Variants in TBCD observed in about 807,000 individuals in gnomAD.
The protein encoded by TBCD is tubulin folding cofactor D.
In TBCD, 105 loss-of-function variants were observed where a neutral mutation model predicts 169.3. That is an observed-to-expected ratio of 0.62 (90% confidence interval 0.53 to 0.73). The LOEUF (loss-of-function observed/expected upper bound fraction) is 0.73. Among genes scored for constraint, TBCD ranks in the 30% least tolerant of loss-of-function variants. The pLI is 0.00. For synonymous variants in TBCD, 700 were observed against 643.9 expected, an observed-to-expected ratio of 1.09 and a Z score of -1.32; for missense variants, 1,444 against 1,600.1, an observed-to-expected ratio of 0.90 and a Z score of 1.66.
At chr17:82,941,777 T>C in intron 38 of TBCD, 1 of 455,280 alleles carries the variant, frequency 2.2e-6, no homozygotes, top group South Asian at 3.4e-5. Context: ...CCCTGGGGTC[T>C]GTTTGTGCTC....
In TBCD at chr17:82,920,559, G is replaced by A; in HGVS notation, c.2042G>A (p.Cys681Tyr). ...LGGQLMRQAVCVLIEKLSLSK... is the reference protein window; with the variant it reads ...LGGQLMRQAVYVLIEKLSLSK... ...TCCTTTTTTTTTTTTTTTCCAGTGT[G>A]TGTTTTAATAGAAAAGTTGTCACTT... Residue 681 changes from cysteine (C) to tyrosine (Y), a missense_variant, in exon 24 of 39, where the codon TGT becomes TAT. Transcript: ENST00000355528. The surrounding 1 kb of genome is among the most constrained non-coding windows in gnomAD (Gnocchi z 4.1). 6.6e-7 allele frequency: 1 copy of A among 1,522,430 alleles called. No individual in the cohort carries two copies. Among genetic ancestry groups the A allele is most frequent in the Non-Finnish European group, 8.8e-7 (1 of 1,136,518 alleles). 94.3% of individuals were successfully genotyped at this position (1,522,430 alleles called of 1,614,324 possible).
chr17:82,914,230 C>G (rs186037446), intron 23 of TBCD: 1 of 152,622 alleles, frequency 6.6e-6, no homozygotes, highest in South Asian at 2.1e-4. Context: ...TCCGGGTTCT[C>G]GGTGCTCTGC....
chr17:82,783,171 A>G lies in TBCD; in HGVS notation c.771+1450A>G, dbSNP rs1047713577. Among the ~76,000 whole-genome samples the G allele has an allele frequency of 2.6e-5, 4 of 152,196 alleles. No individual in the cohort carries two copies. The East Asian group carries it at 5.8e-4, about 22-fold the overall frequency. ...GGGGAATTGGGAAGTGTCCTCCTCAATGTCTGCTGCTTCCCGGTCATGCTG... is the reference window on the plus strand; with the variant it reads ...GGGGAATTGGGAAGTGTCCTCCTCAGTGTCTGCTGCTTCCCGGTCATGCTG... On this transcript the variant is annotated intron_variant, in intron 7 of 38. Transcript: ENST00000355528.
At chr17:82,931,065 C>G (rs1055895970) in intron 33 of TBCD, among the ~76,000 whole-genome samples, 3 of 152,236 alleles carry the variant, frequency 2.0e-5, no homozygotes, top group African/African-American at 7.2e-5. Context: ...AGAAACATCG[C>G]TGCTTTCTAG....
rs2048959940 is a variant in TBCD at position 82,781,733 on chromosome 17, C to T, written c.771+12C>T. 2 of 1,612,848 alleles carry T rather than the reference C, an allele frequency of 1.2e-6. No individual in the cohort carries two copies. The highest frequency in any genetic ancestry group is 8.5e-7 in the Non-Finnish European group (1 of 1,179,568). Reference sequence around the variant, plus strand: ...CGCTGCAGGCCCTGGTAAGTGCTGCCCGCAGGGGCTGTGGAGATCGCAGGG... The same window carrying T: ...CGCTGCAGGCCCTGGTAAGTGCTGCTCGCAGGGGCTGTGGAGATCGCAGGG... On this transcript the variant is annotated intron_variant, in intron 7 of 38. Coordinates refer to ENST00000355528, the MANE Select transcript of TBCD (RefSeq NM_005993.5).
rs1297337878 is a variant in TBCD, at chr17:82,766,341, C to T, written c.408C>T (p.Val136=). 10 of 1,612,954 alleles carry T rather than the reference C, an allele frequency of 6.2e-6. No homozygotes were observed. The highest frequency in any genetic ancestry group is 7.6e-6 in the Non-Finnish European group (9 of 1,179,494). The change falls in exon 4 of 39, where the codon GTC becomes GTT. Residue 136 remains valine (V), a synonymous_variant. Coordinates refer to ENST00000355528, the MANE Select transcript of TBCD (RefSeq NM_005993.5). ...ATGTAGAGCCTGTTTTAGATTTGGT[C>T]ACAATTCAGAATCCCAAGGACCATG... is the stretch of plus-strand genomic sequence containing the variant. ...VADVEPVLDL[V]TIQNPKDHEA... is the part of the protein sequence containing the mutation.
At chr17:82,757,537 G>A (rs2079690369) in intron 2 of TBCD, among the ~76,000 whole-genome samples, 2 of 151,760 alleles carry the variant, frequency 1.3e-5, no homozygotes, top group Admixed American at 1.3e-4. Context: ...CAGGAGAATG[G>A]CGTGAACCCG....
At chr17:82,910,630 C>G (rs1195600267) in intron 22 of TBCD, among the ~76,000 whole-genome samples, 1 of 151,830 alleles carries the variant, frequency 6.6e-6, no homozygotes, top group African/African-American at 2.4e-5. Flanking sequence ...GCAGTGGCAG[C>G]ATGTCGGCTC....
At position 82,752,114 on chromosome 17, in the gene TBCD, C is replaced by G. The variant is rs866172610; in HGVS notation, c.-80C>G. 3 of 1,387,468 alleles carry G rather than the reference C, an allele frequency of 2.2e-6. No individual in the cohort carries two copies. In the African/African-American group the frequency reaches 4.6e-5, roughly 21 times the overall value. The allele number at this position is 1,387,468 out of a possible 1,614,324, so 85.9% of individuals were successfully genotyped here. ...GGGCGCCTCCTTTTCATCCCTCATC[C>G]TTCATCCCTGGCTTTCGCGCTCTAG... On this transcript the variant is annotated 5_prime_UTR_variant, in exon 1 of 39. Coordinates refer to ENST00000355528, the MANE Select transcript of TBCD (RefSeq NM_005993.5).
At chr17:82,871,405 C>T (rs1417520146) in intron 14 of TBCD, among the ~76,000 whole-genome samples, 1 of 152,202 alleles carries the variant, frequency 6.6e-6, no homozygotes, top group African/African-American at 2.4e-5. Context: ...GACTCAGTGT[C>T]ACTGTCCGTC....
At chr17:82,796,628 T>C (rs984599603) in intron 7 of TBCD, among the ~76,000 whole-genome samples, 21 of 152,162 alleles carry the variant, frequency 1.4e-4, no homozygotes, top group African/African-American at 5.1e-4. Context: ...TGTCTGGCTG[T>C]CTCCTTCCTG....
At chr17:82,888,322 G>A (rs2058894304) in intron 15 of TBCD, among the ~76,000 whole-genome samples, 1 of 152,216 alleles carries the variant, frequency 6.6e-6, no homozygotes, top group South Asian at 2.1e-4. Context: ...ATGCCTCCCA[G>A]CGTCTTCTTT....
intron 13 of TBCD, among the ~76,000 whole-genome samples, chr17:82,849,570 T>G (rs977766301): frequency 1.3e-5 from 2 of 152,204 alleles, no homozygotes; most frequent in African/African-American, 4.8e-5. Flanking sequence ...GCTCTGAAAG[T>G]AGGAAGTAAA....
chr17:82,900,421 C>A, intron 17 of TBCD: 1 of 485,564 alleles, frequency 2.1e-6, no homozygotes, highest in Non-Finnish European at 3.7e-6. Flanking sequence ...AGGGTGGTTT[C>A]CAGATTTCGC....
Position 82,781,752 on chromosome 17 carries a change from C to T in TBCD, c.771+31C>T, listed in dbSNP as rs116054029. 3.5e-5 allele frequency: 56 copies of T among 1,606,912 alleles called. No homozygotes were observed. The East Asian group carries it at 4.5e-4, about 13-fold the overall frequency. ...TGCTGCCCGCAGGGGCTGTGGAGATCGCAGGGAAATGGCGCCTTACATGGG... is the reference window on the plus strand; with the variant it reads ...TGCTGCCCGCAGGGGCTGTGGAGATTGCAGGGAAATGGCGCCTTACATGGG... On this transcript the variant is annotated intron_variant, in intron 7 of 38. Transcript: ENST00000355528.
chr17:82,908,583 T>C (rs1365814606), intron 21 of TBCD: 1 of 322,906 alleles, frequency 3.1e-6, no homozygotes, highest in African/African-American at 2.2e-5. Flanking sequence ...TGCCATTAAC[T>C]TTCATTATGA....
intron 14 of TBCD, among the ~76,000 whole-genome samples, chr17:82,873,025 A>ACCTCGTGGCC (rs2057721312): frequency 6.8e-6 from 1 of 146,576 alleles, no homozygotes; most frequent in African/African-American, 2.7e-5. Flanking sequence ...CCGTCTGGGC[A>ACCTCGTGGCC]GCAGCTCCCA....
intron 23 of TBCD, 58 bp downstream of exon 23, chr17:82,911,847 G>A (rs1195879374): frequency 1.3e-6 from 2 of 1,599,446 alleles, no homozygotes; most frequent in African/African-American, 2.7e-5. Flanking sequence ...ATCGTTGAGG[G>A]AGGTGTGCTC....
At chr17:82,828,604 G>A (rs373997015) in intron 13 of TBCD, among the ~76,000 whole-genome samples, 22 of 135,480 alleles carry the variant, frequency 1.6e-4, no homozygotes, top group African/African-American at 6.1e-4. Context: ...ACACACACCC[G>A]CAGGTACGCA....
Sources: gnomAD v4.1 joint callset for allele counts (sites outside exome capture counted in the v4.1 genomes callset) on GRCh38, gnomAD v4.1.1 for gene constraint, Gnocchi (gnomAD v3.1) non-coding constraint, MANE v1.5 for transcripts, NCBI Gene and HGNC (gene_info 2026-07-23, HGNC 2026-07-21) for gene names.